The following PTPRD variants were observed in gnomAD, a reference collection of about 807,000 sequenced individuals.
PTPRD encodes protein tyrosine phosphatase receptor type D.
In PTPRD, 34 loss-of-function variants were observed where a neutral mutation model predicts 214.5. That is an observed-to-expected ratio of 0.16 (90% confidence interval 0.12 to 0.21). The LOEUF (loss-of-function observed/expected upper bound fraction) is 0.21. PTPRD is among the 10% of genes least tolerant of loss of function. The pLI, the probability that PTPRD is intolerant of heterozygous loss-of-function variation, is 1.00. For synonymous variants in PTPRD, 1,128 were observed against 845.7 expected (o/e 1.33, Z -5.79); for missense variants, 2,545 against 2,398.7 (o/e 1.06, Z -1.27).
At chr9:9,840,005 A>T (rs1239196817) in intron 5 of PTPRD, among the ~76,000 whole-genome samples, 1 of 152,022 alleles carries the variant, frequency 6.6e-6, no homozygotes, top group East Asian at 1.9e-4. Flanking sequence ...CAGTAGTTAG[A>T]GTGATTCAAT....
intron 10 of PTPRD, among the ~76,000 whole-genome samples, chr9:9,142,981 G>A (rs2099862829): frequency 2.0e-5 from 3 of 152,078 alleles, no homozygotes; most frequent in African/African-American, 7.2e-5. Context: ...GTACCCCTCA[G>A]AGGAAGGCCA....
At chr9:10,282,737 C>A (rs893233222) in intron 3 of PTPRD, among the ~76,000 whole-genome samples, 1 of 152,106 alleles carries the variant, frequency 6.6e-6, no homozygotes, top group East Asian at 1.9e-4. Flanking sequence ...CATGGTGATT[C>A]TGATTGTAGT....
intron 12 of PTPRD, among the ~76,000 whole-genome samples, chr9:8,711,226 A>G (rs1326701333): frequency 1.3e-5 from 2 of 151,936 alleles, no homozygotes; most frequent in African/African-American, 2.4e-5. Flanking sequence ...TTGGTAATTA[A>G]GGAAGCTCAT....
intron 8 of PTPRD, among the ~76,000 whole-genome samples, chr9:9,498,421 C>T (rs947287113): frequency 1.3e-5 from 2 of 152,084 alleles, no homozygotes; most frequent in South Asian, 2.1e-4. Flanking sequence ...ACTTGGACTT[C>T]ACCTGGGGTT....
At chr9:10,545,243 A>C (rs929679776) in intron 2 of PTPRD, among the ~76,000 whole-genome samples, 2 of 152,172 alleles carry the variant, frequency 1.3e-5, no homozygotes, top group African/African-American at 4.8e-5. Context: ...AAAGGTACTG[A>C]TGGAAGATGC....
At chr9:8,831,770 T>C (rs2097297177) in intron 11 of PTPRD, among the ~76,000 whole-genome samples, 1 of 152,198 alleles carries the variant, frequency 6.6e-6, no homozygotes, top group Non-Finnish European at 1.5e-5. Context: ...ATCACTTTTG[T>C]GAGTCAACTA....
At chr9:10,514,894 A>T (rs938388890) in intron 2 of PTPRD, among the ~76,000 whole-genome samples, 2 of 152,022 alleles carry the variant, frequency 1.3e-5, no homozygotes, top group East Asian at 1.9e-4. Context: ...ATTATTTTTT[A>T]AAAATGCAAA....
At chr9:9,334,561 G>A (rs912863794) in intron 9 of PTPRD, among the ~76,000 whole-genome samples, 2 of 151,844 alleles carry the variant, frequency 1.3e-5, no homozygotes, top group African/African-American at 4.8e-5. Flanking sequence ...AGAAATAAAT[G>A]GGTCTGCCAC....
At chr9:10,554,031 A>T (rs1274770821) in intron 2 of PTPRD, among the ~76,000 whole-genome samples, 1 of 152,102 alleles carries the variant, frequency 6.6e-6, no homozygotes, top group East Asian at 1.9e-4. Context: ...AACATGTTTG[A>T]CCTGATTTCC....
intron 2 of PTPRD, among the ~76,000 whole-genome samples, chr9:10,585,917 C>T (rs2073747059): frequency 6.6e-6 from 1 of 152,036 alleles, no homozygotes; most frequent in Non-Finnish European, 1.5e-5. Flanking sequence ...ATAAATTCCA[C>T]TCAGTGATAT....
chr9:8,843,460 T>C (rs1001640987), intron 11 of PTPRD, among the ~76,000 whole-genome samples: 1 of 152,204 alleles, frequency 6.6e-6, no homozygotes, highest in African/African-American at 2.4e-5. Flanking sequence ...AATGATCTGG[T>C]AGACTAGGGC....
rs2098112178 is a variant in PTPRD, at chr9:10,075,108, A to AT, written c.-544-41319dup. Reference sequence around the variant, plus strand: ...ATATTGATATGGGCATCACATGAAGATTTTCAGTGGATTATATTCATTTCT... The same window carrying AT: ...ATATTGATATGGGCATCACATGAAGATTTTTCAGTGGATTATATTCATTTCT... On this transcript the variant is annotated intron_variant, in intron 3 of 45. Coordinates refer to ENST00000381196, the MANE Select transcript of PTPRD (RefSeq NM_002839.4). Among the ~76,000 whole-genome samples, 3 of 152,238 alleles carry AT rather than the reference A, an allele frequency of 2.0e-5. No homozygotes were observed. In the South Asian group the frequency reaches 6.2e-4, roughly 32 times the overall value.
At chr9:8,594,916 G>A (rs1348640836) in intron 14 of PTPRD, among the ~76,000 whole-genome samples, 2 of 144,170 alleles carry the variant, frequency 1.4e-5, no homozygotes, top group Non-Finnish European at 1.5e-5. Flanking sequence ...AGGCTGGAGT[G>A]CAGTGGCGCA....
At chr9:10,079,589 C>T (rs982395783) in intron 3 of PTPRD, among the ~76,000 whole-genome samples, 1 of 152,078 alleles carries the variant, frequency 6.6e-6, no homozygotes, top group Non-Finnish European at 1.5e-5. Flanking sequence ...AATTCAGGCC[C>T]TGCTGCTAAT....
In PTPRD at chr9:8,376,640, G is replaced by A; in HGVS notation, c.4473C>T (p.Ala1491=). 1 of 1,613,002 alleles carries A rather than the reference G, an allele frequency of 6.2e-7. No individual in the cohort carries two copies. Among genetic ancestry groups the A allele is most frequent in the Non-Finnish European group, 8.5e-7 (1 of 1,179,322 alleles). The change falls in exon 38 of 46, where the codon GCC becomes GCT. Residue 1491 remains alanine, a synonymous_variant. Transcript: ENST00000381196. ...GTGCAAATGTTCGAACACAATATGTGGCCAGCTCCACAGTATCAAGCAGCG... is the reference window on the plus strand; with the variant it reads ...GTGCAAATGTTCGAACACAATATGTAGCCAGCTCCACAGTATCAAGCAGCG... The part of the protein sequence containing the change: ...QVTLLDTVEL[A]TYCVRTFALY...
chr9:9,837,741 C>A (rs1023039585), intron 5 of PTPRD, among the ~76,000 whole-genome samples: 1 of 151,626 alleles, frequency 6.6e-6, no homozygotes, highest in Non-Finnish European at 1.5e-5. Context: ...TTTCTGTTCT[C>A]TGTCCTTGCT....
At chr9:8,366,783 G>A (rs945213808) in intron 39 of PTPRD, among the ~76,000 whole-genome samples, 5 of 152,198 alleles carry the variant, frequency 3.3e-5, no homozygotes, top group Admixed American at 6.5e-5. Context: ...AATGCTGGAC[G>A]TCATACCAAG....
chr9:9,572,572 T>C (rs1015931982), intron 8 of PTPRD, among the ~76,000 whole-genome samples: 1 of 145,882 alleles, frequency 6.9e-6, no homozygotes, highest in African/African-American at 2.5e-5. Context: ...TATATATATA[T>C]ATATATATGT....
At chr9:10,363,357 T>C (rs924069594) in intron 2 of PTPRD, among the ~76,000 whole-genome samples, 1 of 152,208 alleles carries the variant, frequency 6.6e-6, no homozygotes, top group Non-Finnish European at 1.5e-5. Context: ...TTACAAGTTA[T>C]AATAAGAAAT....
Sources: allele counts gnomAD v4.1 joint callset (sites outside exome capture counted in the v4.1 genomes callset), GRCh38; gene constraint gnomAD v4.1.1; transcripts MANE v1.5; gene names NCBI Gene and HGNC (gene_info 2026-07-23, HGNC 2026-07-21).